ARHGAP26: variants seen among roughly 807,000 people sequenced by gnomAD.
ARHGAP26 encodes rho GTPase-activating protein 26.
ARHGAP26 carries 38 observed loss-of-function variants against 104.8 expected under a neutral mutation model. That is an observed-to-expected ratio of 0.36 (90% CI 0.28 to 0.48). The LOEUF (loss-of-function observed/expected upper bound fraction) is 0.48, where lower values mean the gene tolerates loss of function less well. Ranked by LOEUF, ARHGAP26 falls within the 20% of genes least tolerant of loss-of-function variation. The pLI is 0.99. For missense variants in ARHGAP26, 704 were observed against 947.9 expected (o/e 0.74, Z 3.38); for synonymous variants, 341 against 340.0 (o/e 1.00, Z -0.03).
At position 143,207,297 on chromosome 5, in the gene ARHGAP26, A is replaced by G. The variant is rs755481989; in HGVS notation, c.2088A>G (p.Ser696=). 1 of 1,613,732 alleles carries G rather than the reference A, an allele frequency of 6.2e-7. No individual in the cohort carries two copies. Among genetic ancestry groups the G allele is most frequent in the Non-Finnish European group, 8.5e-7 (1 of 1,179,954 alleles). ...CCACCTCATCCACGTCCAGCGACTC[A>G]TCCCCCGTCAGGTCTGTTGCAGGGT... ...PMPTSSTSSD[S]SPVSTPFRKA... Residue 696 remains serine (S), a synonymous_variant, in exon 21 of 23, where the codon TCA becomes TCG. Transcript: ENST00000645722.
At chr5:143,008,765 A>T (rs148341755) in intron 11 of ARHGAP26, among the ~76,000 whole-genome samples, 3,722 of 152,314 alleles carry the variant, frequency 0.024, 63 homozygotes, top group Middle Eastern at 0.051. Flanking sequence ...TGTCTTTAAT[A>T]TCTACATTTG....
intron 5 of ARHGAP26, among the ~76,000 whole-genome samples, chr5:142,892,944 T>G (rs1758870723): frequency 6.6e-6 from 1 of 151,762 alleles, no homozygotes; most frequent in Non-Finnish European, 1.5e-5. Flanking sequence ...TTTGAACCCA[T>G]TAAGCAACCT....
At chr5:142,811,056 G>C (rs1763975042) in intron 1 of ARHGAP26, among the ~76,000 whole-genome samples, 1 of 152,222 alleles carries the variant, frequency 6.6e-6, no homozygotes, top group Non-Finnish European at 1.5e-5. Context: ...ACAAGTTGGA[G>C]AGAGGCCCCA....
At chr5:142,958,920 G>A (rs73796680) in intron 11 of ARHGAP26, among the ~76,000 whole-genome samples, 181 of 83,216 alleles carry the variant, frequency 2.2e-3, no homozygotes, top group East Asian at 4.2e-3. Flanking sequence ...AAAAAAAAAA[G>A]AAAAAAAAAA....
chr5:143,175,870 T>C (rs1803406875), intron 20 of ARHGAP26, among the ~76,000 whole-genome samples: 1 of 152,128 alleles, frequency 6.6e-6, no homozygotes, highest in African/African-American at 2.4e-5. Context: ...TCCCAGCACT[T>C]TGGGAGGGTG....
intron 20 of ARHGAP26, among the ~76,000 whole-genome samples, chr5:143,153,131 G>A (rs258800): frequency 0.67 from 101,208 of 152,096 alleles, 34,936 homozygotes; most frequent in African/African-American, 0.86. Context: ...CTAGCCTCTC[G>A]GTTTTCAGAA....
At chr5:143,013,978 A>C in intron 11 of ARHGAP26, 102 bp from the exon 12 acceptor site, 1 of 1,158,166 alleles carries the variant, frequency 8.6e-7, no homozygotes, top group East Asian at 2.5e-5. Context: ...CTTCCACTTC[A>C]TGGTGCAAAC....
chr5:143,209,102 A>G (rs765377128), intron 21 of ARHGAP26, among the ~76,000 whole-genome samples: 5 of 152,224 alleles, frequency 3.3e-5, no homozygotes, highest in Non-Finnish European at 7.3e-5. Context: ...AAAATGGAGT[A>G]AAAATCTTCA....
At chr5:142,953,310 A>C (rs37213) in intron 11 of ARHGAP26, among the ~76,000 whole-genome samples, 30,248 of 152,178 alleles carry the variant, frequency 0.2, 3,609 homozygotes, top group East Asian at 0.48. Flanking sequence ...GTCAACAAGC[A>C]AACAGATTGG....
chr5:143,077,696 GTC>G (rs1258713395), intron 17 of ARHGAP26, among the ~76,000 whole-genome samples: 1 of 152,248 alleles, frequency 6.6e-6, no homozygotes, highest in Non-Finnish European at 1.5e-5. Context: ...TTTGTGGAAA[GTC>G]TCTCTTGAGG....
intron 1 of ARHGAP26, among the ~76,000 whole-genome samples, chr5:142,864,124 C>G (rs2152318934): frequency 6.6e-6 from 1 of 152,282 alleles, no homozygotes; most frequent in African/African-American, 2.4e-5. Flanking sequence ...CACCCCCTCC[C>G]CTTTCTAGAA....
At chr5:143,203,838 C>G (rs371524382) in intron 20 of ARHGAP26, 1 of 151,916 alleles carries the variant, frequency 6.6e-6, no homozygotes, top group South Asian at 2.1e-4. Context: ...AACCAAACAC[C>G]GCATGTTCTC....
At chr5:142,874,938 T>C in intron 2 of ARHGAP26, 172 bp from the exon 3 acceptor site, 2 of 588,382 alleles carry the variant, frequency 3.4e-6, no homozygotes, top group Non-Finnish European at 6.1e-6. Context: ...CATTTCTGGG[T>C]CATCCTTAAT....
chr5:143,122,588 A>G (rs1228692438), intron 18 of ARHGAP26, among the ~76,000 whole-genome samples: 1 of 152,254 alleles, frequency 6.6e-6, no homozygotes, highest in Non-Finnish European at 1.5e-5. Flanking sequence ...TCATTCTGTA[A>G]AATAGAATGA....
In ARHGAP26 at chr5:142,770,914, G is replaced by C. The variant is rs779143835; in HGVS notation, c.153G>C (p.Lys51Asn). The change falls in exon 1 of 23, where the codon AAG (lysine) becomes AAC (asparagine). Residue 51 changes from lysine to asparagine, a missense_variant and splice_region_variant. This residue lies in a region of ARHGAP26 where 77 missense variants were observed against 82.6 expected (regional missense o/e 0.93). Transcript: ENST00000645722. ...KDGKSLISAL[K>N]NLSSAKRKFA... is the part of the protein sequence containing the mutation. The stretch of plus-strand genomic sequence containing the variant: ...GGAAGTCACTCATAAGCGCGCTCAA[G>C]AGTGAGTGTCCCGAGCCCCTCGGGG... The C allele has an allele frequency of 1.9e-6, 3 of 1,606,042 alleles. No homozygotes were observed. The highest frequency in any genetic ancestry group is 1.1e-5 in the South Asian group (1 of 90,462).
At chr5:142,914,655 G>A (rs191139854) in intron 10 of ARHGAP26, among the ~76,000 whole-genome samples, 95 of 152,314 alleles carry the variant, frequency 6.2e-4, no homozygotes, top group Admixed American at 2.8e-3. Context: ...TTTACTGTGT[G>A]TAGAGGTGTG....
At chr5:143,221,424 C>CA (rs56114785) in intron 22 of ARHGAP26, among the ~76,000 whole-genome samples, 5,474 of 83,164 alleles carry the variant, frequency 0.066, 191 homozygotes, top group African/African-American at 0.13. Flanking sequence ...TGACAGCAAC[C>CA]AAAAAAAAAA....
chr5:142,883,026 C>T (rs571732191), intron 4 of ARHGAP26, among the ~76,000 whole-genome samples: 1 of 152,284 alleles, frequency 6.6e-6, no homozygotes, highest in East Asian at 1.9e-4. Flanking sequence ...CACACTCTCC[C>T]ATCTTAAGAA....
intron 17 of ARHGAP26, among the ~76,000 whole-genome samples, chr5:143,084,149 C>T (rs1201004289): frequency 2.0e-5 from 3 of 152,132 alleles, no homozygotes; most frequent in East Asian, 1.9e-4. Context: ...CTTAATGACC[C>T]GACTGTAGGG....
Sources: allele counts gnomAD v4.1 joint callset (sites outside exome capture counted in the v4.1 genomes callset), GRCh38; gene constraint gnomAD v4.1.1; regional missense constraint gnomAD v4.1.1; transcripts MANE v1.5; gene names NCBI Gene and HGNC (gene_info 2026-07-23, HGNC 2026-07-21).